Variants in DNAH17 observed in about 807,000 individuals in gnomAD.
The protein encoded by DNAH17 is dynein axonemal heavy chain 17, also known as axonemal beta dynein heavy chain 17.
Under a neutral mutation model 485.6 loss-of-function variants are expected in DNAH17, and 376 were observed. The observed-to-expected ratio is 0.77, with a 90% CI of 0.71 to 0.84. The LOEUF (loss-of-function observed/expected upper bound fraction) is 0.84, where lower values mean the gene tolerates loss of function less well. DNAH17 is among the 40% of genes least tolerant of loss of function. The pLI is 0.00. For synonymous variants in DNAH17, 3,031 were observed against 2,405.9 expected (o/e 1.26, Z -7.60); for missense variants, 6,370 against 5,839.3 (o/e 1.09, Z -2.96).
chr17:78,456,517 G>A (rs927212800), intron 62 of DNAH17, among the ~76,000 whole-genome samples: 1 of 152,190 alleles, frequency 6.6e-6, no homozygotes, highest in African/African-American at 2.4e-5. Context: ...CAGAGCCCGG[G>A]TGAGGACCAC....
chr17:78,464,322 C>T (rs1419407274), intron 56 of DNAH17, among the ~76,000 whole-genome samples: 1 of 152,144 alleles, frequency 6.6e-6, no homozygotes, highest in Non-Finnish European at 1.5e-5. Flanking sequence ...TGCAGTGGCA[C>T]AATCTTGGCT....
rs772881553 is a variant in DNAH17 at position 78,510,476 on chromosome 17, G to C, written c.4144C>G (p.Leu1382Val). 6.2e-7 allele frequency: 1 copy of C among 1,613,868 alleles called. No individual in the cohort carries two copies. Among genetic ancestry groups the C allele is most frequent in the Admixed American group, 1.7e-5 (1 of 60,022 alleles). The change falls in exon 27 of 81, where the codon CTG becomes GTG. Residue 1382 changes from leucine to valine, a missense_variant. By Grantham distance (32) the Leu-to-Val change is conservative. Coordinates refer to ENST00000389840, the MANE Select transcript of DNAH17 (RefSeq NM_173628.4). ...VKFKMSEETTLADLLQLNLHS... is the reference protein window; with the variant it reads ...VKFKMSEETTVADLLQLNLHS... Reference sequence around the variant, plus strand: ...AGGTTCAGCTGCAGTAAATCTGCCAGGGTCGTCTCTTCTGACATTTTAAAT... The same window carrying C: ...AGGTTCAGCTGCAGTAAATCTGCCACGGTCGTCTCTTCTGACATTTTAAAT...
At chr17:78,428,966 G>T (rs899207987) in intron 76 of DNAH17, among the ~76,000 whole-genome samples, 155 bp downstream of exon 76, 4 of 140,284 alleles carry the variant, frequency 2.9e-5, no homozygotes, top group Non-Finnish European at 6.1e-5. Flanking sequence ...TATTAGCCTT[G>T]TGCTTCTTCC....
At chr17:78,452,323 C>T (rs16971416) in intron 65 of DNAH17, among the ~76,000 whole-genome samples, 3,163 of 152,274 alleles carry the variant, frequency 0.021, 111 homozygotes, top group African/African-American at 0.072. Context: ...ATAATGCAAG[C>T]TCCACGCATC....
chr17:78,424,622 T>C (rs1368611346), intron 80 of DNAH17: 1 of 155,920 alleles, frequency 6.4e-6, no homozygotes, highest in Non-Finnish European at 1.4e-5. Flanking sequence ...TTTTATTTCC[T>C]GTCTGAAATC....
At chr17:78,506,991 C>T (rs2090502613) in intron 29 of DNAH17, 145 bp from the exon 30 acceptor site, 2 of 1,263,384 alleles carry the variant, frequency 1.6e-6, no homozygotes, top group African/African-American at 1.5e-5. Context: ...GAATCTCCTA[C>T]CGGAGGCTCT....
chr17:78,521,856 G>A (rs762903408), intron 25 of DNAH17, among the ~76,000 whole-genome samples: 29 of 152,044 alleles, frequency 1.9e-4, no homozygotes, highest in Non-Finnish European at 3.7e-4. Context: ...GTGTGGTGGC[G>A]TGCGCCTGTA....
intron 54 of DNAH17, among the ~76,000 whole-genome samples, chr17:78,472,448 C>T (rs2088806108): frequency 6.6e-6 from 1 of 152,174 alleles, no homozygotes; most frequent in Non-Finnish European, 1.5e-5. Flanking sequence ...GCTTCTCACC[C>T]CTTCCCTCTC....
chr17:78,510,347 C>G (rs1282609805), intron 27 of DNAH17, 37 bp downstream of exon 27: 2 of 1,604,108 alleles, frequency 1.2e-6, no homozygotes, highest in Non-Finnish European at 1.7e-6. Context: ...TCAGGCTGAT[C>G]CCACGTTGCA....
At position 78,484,767 on chromosome 17, in the gene DNAH17, G is replaced by A. The variant is rs556586788; in HGVS notation, c.7649+101C>T. On this transcript the variant is annotated intron_variant, in intron 48 of 80. Coordinates refer to ENST00000389840, the MANE Select transcript of DNAH17 (RefSeq NM_173628.4). ...CCCCCCACCGCCCCACACCAGTCCTGCCCTACTGCCCTGGGGCTCCGCCTC... is the reference window on the plus strand; with the variant it reads ...CCCCCCACCGCCCCACACCAGTCCTACCCTACTGCCCTGGGGCTCCGCCTC... The A allele has an allele frequency of 4.2e-3, 914 of 218,810 alleles. 10 individuals carry two copies. The African/African-American group carries it at 0.052, about 12-fold the overall frequency. The allele number at this position is 218,810 out of a possible 1,614,324, so 13.6% of individuals were successfully genotyped here.
rs780066240 is a variant in DNAH17 at position 78,460,155 on chromosome 17, C to G, written c.9435+7G>C. 1.2e-6 allele frequency: 2 copies of G among 1,601,690 alleles called. No homozygotes were observed. The highest frequency in any genetic ancestry group is 1.7e-5 in the Admixed American group (1 of 58,422). On this transcript the variant is annotated splice_region_variant and intron_variant, in intron 59 of 80. Transcript: ENST00000389840. ...CAGGGGTCCCCTTTCTTTCCCTCCC[C>G]CTTTACCTTATTCAGAGTGTCCAGA...
At chr17:78,524,636 G>A (rs1225953812) in intron 25 of DNAH17, among the ~76,000 whole-genome samples, 2 of 152,070 alleles carry the variant, frequency 1.3e-5, no homozygotes, top group Admixed American at 6.5e-5. Flanking sequence ...ATGAGCCACT[G>A]AGTTTATGGG....
At chr17:78,553,283 GTTTTTTTTT>G (rs60587420) in intron 14 of DNAH17, among the ~76,000 whole-genome samples, 2 of 51,034 alleles carry the variant, frequency 3.9e-5, no homozygotes, top group South Asian at 6.7e-4. Context: ...AGGTTTTTGT[GTTTTTTTTT>G]TTTTTTTTTT....
intron 20 of DNAH17, among the ~76,000 whole-genome samples, chr17:78,531,152 CCTAA>C (rs1225035615): frequency 1.2e-4 from 18 of 152,074 alleles, no homozygotes; most frequent in South Asian, 2.1e-4. Flanking sequence ...TGTTGAAAAC[CCTAA>C]CTGTTACTGT....
intron 21 of DNAH17, among the ~76,000 whole-genome samples, 164 bp downstream of exon 21, chr17:78,530,179 C>G (rs950889607): frequency 1.2e-4 from 18 of 152,242 alleles, no homozygotes; most frequent in African/African-American, 4.3e-4. Flanking sequence ...CCCGGTGACA[C>G]CTTTCTGCTC....
rs2088017615 is a variant in DNAH17, at chr17:78,460,019, G to A, written c.9436-18C>T. ...AGGTTGTTCTGCAAATGACAGACGG[G>A]ATGGGTCCGATGGGAGTTTGGACCG... On this transcript the variant is annotated intron_variant, in intron 59 of 80. Transcript: ENST00000389840. 1 of 1,611,284 alleles carries A rather than the reference G, an allele frequency of 6.2e-7. No individual in the cohort carries two copies. The highest frequency in any genetic ancestry group is 8.5e-7 in the Non-Finnish European group (1 of 1,179,332).
intron 35 of DNAH17, chr17:78,500,874 G>C (rs997910348): frequency 3.8e-5 from 10 of 263,664 alleles, no homozygotes; most frequent in Non-Finnish European, 7.1e-5. Flanking sequence ...GGCAGCCCAG[G>C]TGCCTTTCCC....
rs1329198822 is a variant in DNAH17, at chr17:78,525,179, G to A, written c.3712-18C>T. The A allele has an allele frequency of 1.2e-6, 2 of 1,608,632 alleles. No individual in the cohort carries two copies. The highest frequency in any genetic ancestry group is 1.7e-6 in the Non-Finnish European group (2 of 1,178,066). ...TTTTGTTGCTAGGGGCGGCGAGGGG[G>A]CCGTCAGTAGGGCTACCTACCCTCA... On this transcript the variant is annotated intron_variant, in intron 24 of 80. Transcript: ENST00000389840.
chr17:78,446,630 TTA>T (rs1491223799), intron 69 of DNAH17, among the ~76,000 whole-genome samples: 5 of 103,404 alleles, frequency 4.8e-5, no homozygotes, highest in African/African-American at 3.2e-4. Context: ...TTTTTTAAAT[TTA>T]TTTTATTATT....
Sources: gnomAD v4.1 joint callset for allele counts (sites outside exome capture counted in the v4.1 genomes callset) on GRCh38, gnomAD v4.1.1 for gene constraint, MANE v1.5 for transcripts, NCBI Gene and HGNC (gene_info 2026-07-23, HGNC 2026-07-21) for gene names.